Variants in PTCD3 observed in about 807,000 individuals in gnomAD.
The protein encoded by PTCD3 is small ribosomal subunit protein mS39.
In PTCD3, 89 loss-of-function variants were observed where a neutral mutation model predicts 101.9. The ratio of observed to expected loss-of-function variants is 0.87; its 90% CI spans 0.74 to 1.04. PTCD3 has a LOEUF of 1.04. Among genes scored for constraint, PTCD3 ranks in the 50% least tolerant of loss-of-function variants. The pLI is 0.00. For synonymous variants in PTCD3, 296 were observed against 278.5 expected, an observed-to-expected ratio of 1.06 and a Z score of -0.63; for missense variants, 870 against 828.2, an observed-to-expected ratio of 1.05 and a Z score of -0.62.
At chr2:86,111,405 A>G (rs1387362490) in intron 4 of PTCD3, among the ~76,000 whole-genome samples, 3 of 151,992 alleles carry the variant, frequency 2.0e-5, no homozygotes, top group Non-Finnish European at 4.4e-5. Flanking sequence ...TGGCTAACAC[A>G]GTGAAACCCC....
chr2:86,108,789 CG>C, intron 3 of PTCD3: 1 of 388,316 alleles, frequency 2.6e-6, no homozygotes, highest in Admixed American at 4.3e-5. Context: ...TTACTATTTA[CG>C]TGGTTAATAA....
At chr2:86,125,630 G>T in intron 11 of PTCD3, 115 bp downstream of exon 11, 1 of 1,179,822 alleles carries the variant, frequency 8.5e-7, no homozygotes, top group Non-Finnish European at 1.2e-6. Flanking sequence ...TTCCTGAGGC[G>T]TAGATGATTG....
chr2:86,129,784 ACT>A (rs1280693460), intron 14 of PTCD3, among the ~76,000 whole-genome samples: 5 of 152,096 alleles, frequency 3.3e-5, no homozygotes, highest in Non-Finnish European at 4.4e-5. Flanking sequence ...AAATTGTGAA[ACT>A]CTATCTGTAC....
chr2:86,114,983 T>G (rs753452447), intron 4 of PTCD3, among the ~76,000 whole-genome samples: 2 of 151,570 alleles, frequency 1.3e-5, no homozygotes, highest in Non-Finnish European at 1.5e-5. Context: ...GTGCCCAGAG[T>G]TTTTAGGGGA....
At chr2:86,106,387 C>G in intron 1 of PTCD3, 36 bp downstream of exon 1, 2 of 1,595,742 alleles carry the variant, frequency 1.3e-6, no homozygotes, top group Non-Finnish European at 1.7e-6. Context: ...AAGAAGACCG[C>G]GGAGTCACCT....
At chr2:86,110,677 G>T (rs1224889410) in intron 3 of PTCD3, among the ~76,000 whole-genome samples, 2 of 152,178 alleles carry the variant, frequency 1.3e-5, no homozygotes, top group Admixed American at 1.3e-4. Flanking sequence ...AGTCCTCCAT[G>T]GATCTTGGGA....
At position 86,140,208 on chromosome 2, in the gene PTCD3, C is replaced by T. The variant is rs371971748; in HGVS notation, c.*2649C>T. On this transcript the variant is annotated 3_prime_UTR_variant, in exon 24 of 24. Coordinates refer to ENST00000254630, the MANE Select transcript of PTCD3 (RefSeq NM_017952.6). The stretch of plus-strand genomic sequence containing the variant: ...ACGTAACCACAGTAAAGCAGACTCC[C>T]CTTTCAGCAACCTCAAAGCAAAAAA... 2 of 147,904 alleles carry T rather than the reference C, an allele frequency of 1.4e-5. No homozygotes were observed. The highest frequency in any genetic ancestry group is 6.8e-5 in the Admixed American group (1 of 14,740). The allele number at this position is 147,904 out of a possible 1,614,324, so 9.2% of individuals were successfully genotyped here. A position where few individuals can be genotyped will look rare whatever the true frequency, so the allele number is the denominator to read the frequency against.
At position 86,119,018 on chromosome 2, in the gene PTCD3, A is replaced by G. The variant is rs770829111; in HGVS notation, c.512A>G (p.Asp171Gly). The change falls in exon 7 of 24, where the codon GAC (aspartate) becomes GGC (glycine). Residue 171 changes from aspartate (D) to glycine (G), a missense_variant. Asp to Gly is a moderately conservative substitution (Grantham distance 94). Coordinates refer to ENST00000254630, the MANE Select transcript of PTCD3 (RefSeq NM_017952.6). ...IELRKVKASV[D>G]MFDQLLQAGT... is the part of the protein sequence containing the mutation. ...CTCAGAAAAGTCAAAGCCTCTGTGG[A>G]CATGTTTGATCAGCTTTTGCAAGCA... 1 of 1,613,948 alleles carries G rather than the reference A, an allele frequency of 6.2e-7. No individual in the cohort carries two copies. Among genetic ancestry groups the G allele is most frequent in the South Asian group, 1.1e-5 (1 of 91,060 alleles).
chr2:86,135,127 CA>C lies in PTCD3; in HGVS notation c.1778+143del. 4.1e-6 allele frequency: 4 copies of C among 966,188 alleles called. No individual in the cohort carries two copies. In the East Asian group the frequency reaches 7.5e-5, roughly 18 times the overall value. The allele number at this position is 966,188 out of a possible 1,614,324, so 59.9% of individuals were successfully genotyped here. A position where few individuals can be genotyped will look rare whatever the true frequency, so the allele number is the denominator to read the frequency against. ...GAACTTGCAAATACCAACTAAAAAG[CA>C]AACTTTTGGAAGAAGACAGTATGCA... On this transcript the variant is annotated intron_variant, in intron 21 of 23. Coordinates refer to ENST00000254630, the MANE Select transcript of PTCD3 (RefSeq NM_017952.6).
At chr2:86,128,230 G>A (rs531061625) in intron 14 of PTCD3, among the ~76,000 whole-genome samples, 5 of 151,718 alleles carry the variant, frequency 3.3e-5, no homozygotes, top group Admixed American at 3.3e-4. Flanking sequence ...TGAGTAGTTA[G>A]GATTACAGAT....
chr2:86,133,115 T>G, intron 17 of PTCD3, 63 bp from the exon 18 acceptor site: 2 of 1,565,852 alleles, frequency 1.3e-6, no homozygotes, highest in East Asian at 2.3e-5. Flanking sequence ...ATTTCAACCC[T>G]TATTTCCCCT....
rs182869546 is a variant in PTCD3, at chr2:86,129,909, C to G, written c.1148-739C>G. On this transcript the variant is annotated intron_variant, in intron 14 of 23. Transcript: ENST00000254630. ...TTTTCTGACCTATTAGTGCTCAGTT[C>G]ATGTTATATTTAAGAACTGCCCTGT... Among the ~76,000 whole-genome samples the G allele has an allele frequency of 2.8e-5, 4 of 142,030 alleles. No individual in the cohort carries two copies. The Admixed American group carries it at 3.0e-4, about 11-fold the overall frequency. The allele number at this position is 142,030 out of a possible 152,430, so 93.2% of individuals were successfully genotyped here. A position where few individuals can be genotyped will look rare whatever the true frequency, so the allele number is the denominator to read the frequency against.
intron 16 of PTCD3, among the ~76,000 whole-genome samples, chr2:86,131,447 G>C (rs536027601): frequency 6.6e-6 from 1 of 152,102 alleles, no homozygotes; most frequent in Admixed American, 6.6e-5. Context: ...ATGTTGACCA[G>C]ACTGGTCTTG....
chr2:86,130,212 A>C (rs1181632162), intron 14 of PTCD3, among the ~76,000 whole-genome samples: 1 of 152,130 alleles, frequency 6.6e-6, no homozygotes. Flanking sequence ...AGGCAGGAGA[A>C]TCGCTTGAAC....
In PTCD3 at chr2:86,119,049, C is replaced by T; in HGVS notation, c.538+5C>T. The T allele has an allele frequency of 1.2e-6, 2 of 1,613,172 alleles. No individual in the cohort carries two copies. Among genetic ancestry groups the T allele is most frequent in the Non-Finnish European group, 1.7e-6 (2 of 1,179,820 alleles). On this transcript the variant is annotated splice_donor_5th_base_variant and intron_variant, in intron 7 of 23. Transcript: ENST00000254630. ...TTGATCAGCTTTTGCAAGCAGGTGA[C>T]TGAGTTCGATTAAAGCCCCTCTAAT...
At chr2:86,110,201 T>G (rs1204841194) in intron 3 of PTCD3, among the ~76,000 whole-genome samples, 1 of 152,240 alleles carries the variant, frequency 6.6e-6, no homozygotes, top group Non-Finnish European at 1.5e-5. Flanking sequence ...AAAGATCTGC[T>G]GAAGGAATGC....
chr2:86,118,816 T>C (rs879296468), intron 6 of PTCD3, 105 bp from the exon 7 acceptor site: 8 of 1,270,940 alleles, frequency 6.3e-6, no homozygotes, highest in Non-Finnish European at 8.7e-6. Context: ...ATTGGAGCAG[T>C]GAAGTTTTAC....
chr2:86,128,207 C>T (rs1440090610), intron 14 of PTCD3, among the ~76,000 whole-genome samples: 2 of 151,930 alleles, frequency 1.3e-5, no homozygotes, highest in Admixed American at 6.6e-5. Flanking sequence ...ACAGTCCTCC[C>T]TCCTCAGCCT....
chr2:86,129,117 T>C (rs1008831479), intron 14 of PTCD3, among the ~76,000 whole-genome samples: 1 of 152,192 alleles, frequency 6.6e-6, no homozygotes, highest in African/African-American at 2.4e-5. Context: ...TAATTGACTA[T>C]ACCTTGGAAA....
Sources: gnomAD v4.1 joint callset for allele counts (sites outside exome capture counted in the v4.1 genomes callset) on GRCh38, gnomAD v4.1.1 for gene constraint, MANE v1.5 for transcripts, NCBI Gene and HGNC (gene_info 2026-07-23, HGNC 2026-07-21) for gene names.